Variants in BIN3 observed in about 807,000 individuals in gnomAD.
BIN3 encodes the protein bridging integrator 3.
BIN3 carries 41 observed loss-of-function variants against 38.2 expected under a neutral mutation model. The ratio of observed to expected loss-of-function variants is 1.07; its 90% CI spans 0.84 to 1.39. The LOEUF is 1.39. Ranked by LOEUF, BIN3 falls within the 40% of genes most tolerant of loss-of-function variation. The pLI is 0.00. For missense variants in BIN3, 361 were observed against 324.3 expected (o/e 1.11, Z -0.87); for synonymous variants, 145 against 122.6 (o/e 1.18, Z -1.21).
intron 6 of BIN3, chr8:22,626,240 GC>G: frequency 6.6e-6 from 1 of 152,422 alleles, no homozygotes; most frequent in Non-Finnish European, 1.5e-5. Context: ...GAGAACGCGG[GC>G]CCCTCAGCAC....
At chr8:22,662,151 G>C (rs143848268) in intron 1 of BIN3, among the ~76,000 whole-genome samples, 1,585 of 152,250 alleles carry the variant, frequency 0.01, 22 homozygotes, top group African/African-American at 0.035. Context: ...TCCAGAGGCT[G>C]GGCATCTGCA....
intron 1 of BIN3, among the ~76,000 whole-genome samples, chr8:22,660,664 G>A (rs752108880): frequency 9.2e-5 from 14 of 152,080 alleles, no homozygotes; most frequent in Non-Finnish European, 1.6e-4. Context: ...AGTGAGGTCT[G>A]CCCCAGCAAT....
chr8:22,661,854 G>C (rs1277945542), intron 1 of BIN3, among the ~76,000 whole-genome samples: 2 of 151,972 alleles, frequency 1.3e-5, no homozygotes, highest in Non-Finnish European at 1.5e-5. Context: ...GCAGTGGCAT[G>C]ATCTCAGCTC....
At chr8:22,653,813 A>T (rs1436218556) in intron 1 of BIN3, among the ~76,000 whole-genome samples, 1 of 151,508 alleles carries the variant, frequency 6.6e-6, no homozygotes, top group Non-Finnish European at 1.5e-5. Context: ...TTAAGTTGGG[A>T]CCCTGAGGCT....
chr8:22,648,942 A>ATGTATGTAT, intron 1 of BIN3, among the ~76,000 whole-genome samples: 1 of 115,034 alleles, frequency 8.7e-6, no homozygotes, highest in East Asian at 2.3e-4. Flanking sequence ...TATGTATGTA[A>ATGTATGTAT]GTGTGTGTGT....
Position 22,621,228 on chromosome 8 carries a change from CTG to C in BIN3, c.*192_*193del, listed in dbSNP as rs1156555859. ...TGTCTACACTGCTTACCTGCTGGGG[CTG>C]TGAGTGGGGAGACGGCGGCCTGCCT... On this transcript the variant is annotated 3_prime_UTR_variant, in exon 9 of 9. Transcript: ENST00000276416. The C allele has an allele frequency of 4.5e-6, 3 of 669,762 alleles. No homozygotes were observed. Among genetic ancestry groups the C allele is most frequent in the Non-Finnish European group, 7.5e-6 (3 of 402,394 alleles). The allele number at this position is 669,762 out of a possible 1,614,324, so 41.5% of individuals were successfully genotyped here. A position where few individuals can be genotyped will look rare whatever the true frequency, so the allele number is the denominator to read the frequency against.
intron 3 of BIN3, 47 bp from the exon 4 acceptor site, chr8:22,636,633 A>C: frequency 3.2e-6 from 5 of 1,540,270 alleles, no homozygotes; most frequent in Non-Finnish European, 4.4e-6. Context: ...CCTTCCCCCT[A>C]CCTGAGCGAA....
Position 22,661,638 on chromosome 8 carries a change from G to A in BIN3, c.8+7406C>T, listed in dbSNP as rs1401839301. On this transcript the variant is annotated intron_variant, in intron 1 of 8. Transcript: ENST00000276416. The stretch of plus-strand genomic sequence containing the variant: ...CTCCCAGAGTGTTGGGATTACAGGT[G>A]TCAGCCACCGTGCCCAGCCTACAAT... Among the ~76,000 whole-genome samples the A allele has an allele frequency of 2.6e-5, 4 of 152,010 alleles. No individual in the cohort carries two copies. The East Asian group carries it at 7.8e-4, about 29-fold the overall frequency.
At position 22,649,859 on chromosome 8, in the gene BIN3, C is replaced by CA. The variant is rs1563973928; in HGVS notation, c.9-5057_9-5056insT. On this transcript the variant is annotated intron_variant, in intron 1 of 8. Transcript: ENST00000276416. ...CACACACACACACACACACACACAC[C>CA]CCCAAAGGAAAAAATTAACAGTAAT... 6.9e-3 allele frequency among the ~76,000 whole-genome samples: 919 copies of CA among 133,566 alleles called. 10 individuals carry two copies. The highest frequency in any genetic ancestry group is 0.021 in the East Asian group (103 of 4,872). 87.6% of individuals were successfully genotyped at this position (133,566 alleles called of 152,430 possible).
At chr8:22,636,223 G>A (rs1429641932) in intron 4 of BIN3, among the ~76,000 whole-genome samples, 1 of 152,208 alleles carries the variant, frequency 6.6e-6, no homozygotes, top group African/African-American at 2.4e-5. Flanking sequence ...TGAGCCGGTG[G>A]CCAGGATTCT....
chr8:22,652,635 G>A (rs1433820531), intron 1 of BIN3, among the ~76,000 whole-genome samples: 2 of 152,162 alleles, frequency 1.3e-5, no homozygotes, highest in East Asian at 1.9e-4. Context: ...TCTCAGAGGC[G>A]GGTTTGAAGT....
rs141853937 is a variant in BIN3, at chr8:22,640,551, A to G, written c.58-3589T>C. On this transcript the variant is annotated intron_variant, in intron 2 of 8. Transcript: ENST00000276416. ...AGCAGCATCTTTACTTATTAAAAGT[A>G]TTTATTTCCAGAAAGAGAAAATTAA... is the stretch of plus-strand genomic sequence containing the variant. Among the ~76,000 whole-genome samples, 94 of 152,274 alleles carry G rather than the reference A, an allele frequency of 6.2e-4. 1 individual carries two copies. Among genetic ancestry groups the G allele is most frequent in the African/African-American group, 2.0e-3 (84 of 41,560 alleles).
intron 2 of BIN3, among the ~76,000 whole-genome samples, chr8:22,643,310 T>C (rs1802620042): frequency 6.6e-6 from 1 of 151,224 alleles, no homozygotes; most frequent in African/African-American, 2.4e-5. Flanking sequence ...TGCCTCTGCA[T>C]GAAGCAGAGA....
At chr8:22,648,484 T>G (rs1279289586) in intron 1 of BIN3, among the ~76,000 whole-genome samples, 2 of 152,176 alleles carry the variant, frequency 1.3e-5, no homozygotes, top group Non-Finnish European at 2.9e-5. Context: ...CAACTTGGAC[T>G]TGTCTGATGC....
rs754341344 is a variant in BIN3 at position 22,634,289 on chromosome 8, C to T, written c.160+2236G>A. On this transcript the variant is annotated intron_variant, in intron 4 of 8. Transcript: ENST00000276416. ...GCTTGTGACACACATAGTTTGGCAA[C>T]GCTAGAGGCCAGGAGCAAGGTGCAT... The T allele has an allele frequency of 1.8e-4, 56 of 315,028 alleles. 1 individual carries two copies. Among genetic ancestry groups the T allele is most frequent in the East Asian group, 8.8e-5 (1 of 11,370 alleles). 19.5% of individuals were successfully genotyped at this position (315,028 alleles called of 1,614,324 possible). A position where few individuals can be genotyped will look rare whatever the true frequency, so the allele number is the denominator to read the frequency against.
At chr8:22,636,073 T>C (rs1338347911) in intron 4 of BIN3, among the ~76,000 whole-genome samples, 3 of 152,226 alleles carry the variant, frequency 2.0e-5, no homozygotes, top group Non-Finnish European at 4.4e-5. Context: ...GGGGTATTTC[T>C]GGCCTTACAC....
intron 1 of BIN3, among the ~76,000 whole-genome samples, chr8:22,647,598 T>C (rs1047516806): frequency 2.6e-5 from 4 of 152,194 alleles, no homozygotes; most frequent in African/African-American, 7.2e-5. Context: ...AAGGGGCTCA[T>C]TGTTCTTAAG....
chr8:22,658,830 A>G (rs989715799), intron 1 of BIN3, among the ~76,000 whole-genome samples: 8 of 151,666 alleles, frequency 5.3e-5, no homozygotes, highest in Non-Finnish European at 1.2e-4. Flanking sequence ...GGCTGAGCAA[A>G]GAGTAGGCGG....
At chr8:22,664,361 C>T (rs1803343033) in intron 1 of BIN3, among the ~76,000 whole-genome samples, 2 of 152,134 alleles carry the variant, frequency 1.3e-5, no homozygotes, top group African/African-American at 4.8e-5. Flanking sequence ...TTTATAGGGC[C>T]CCTGTCTTCA....
Sources: gnomAD v4.1 joint callset for allele counts (sites outside exome capture counted in the v4.1 genomes callset) on GRCh38, gnomAD v4.1.1 for gene constraint, MANE v1.5 for transcripts, NCBI Gene and HGNC (gene_info 2026-07-23, HGNC 2026-07-21) for gene names.